ANK2: variants seen among roughly 807,000 people sequenced by gnomAD.
ANK2 encodes the protein ankyrin-2.
ANK2 carries 83 observed loss-of-function variants against 360.5 expected under a neutral mutation model. The ratio of observed to expected loss-of-function variants is 0.23; its 90% CI spans 0.19 to 0.28. The LOEUF (loss-of-function observed/expected upper bound fraction) is 0.28. Among genes scored for constraint, ANK2 ranks in the 10% least tolerant of loss-of-function variants. ANK2 has a pLI of 1.00. For synonymous variants in ANK2, 1,740 were observed against 1,759.5 expected, an observed-to-expected ratio of 0.99 and a Z score of 0.28; for missense variants, 4,201 against 4,795.7, an observed-to-expected ratio of 0.88 and a Z score of 3.66.
intron 45 of ANK2, among the ~76,000 whole-genome samples, chr4:113,374,291 T>C (rs945126547): frequency 6.6e-6 from 1 of 152,234 alleles, no homozygotes; most frequent in East Asian, 1.9e-4. Context: ...TTTTGACAAA[T>C]AGTTTGTGAA....
intron 1 of ANK2, among the ~76,000 whole-genome samples, chr4:113,123,604 T>G (rs1207455630): frequency 1.3e-5 from 2 of 152,162 alleles, no homozygotes. Flanking sequence ...ACCCTTTTGC[T>G]CCAAAGGTGA....
At chr4:112,969,084 C>T (rs2038454647) in intron 2 of ANK2, among the ~76,000 whole-genome samples, 1 of 152,112 alleles carries the variant, frequency 6.6e-6, no homozygotes, top group Admixed American at 6.5e-5. Context: ...ATGTTATTAC[C>T]TATATTCTAC....
chr4:113,109,017 A>G (rs1236302897), intron 1 of ANK2, among the ~76,000 whole-genome samples: 7 of 152,150 alleles, frequency 4.6e-5, no homozygotes, highest in African/African-American at 1.7e-4. Flanking sequence ...GTCCCGTAGT[A>G]CATATTGTTT....
intron 1 of ANK2, among the ~76,000 whole-genome samples, chr4:113,101,576 T>G (rs2092838400): frequency 6.6e-6 from 1 of 152,130 alleles, no homozygotes; most frequent in African/African-American, 2.4e-5. Flanking sequence ...TTCATCTATC[T>G]AAGAAAAAGT....
the ANK2 span, among the ~76,000 whole-genome samples, chr4:112,723,489 G>A: frequency 1.4e-4 from 22 of 152,234 alleles, no homozygotes; most frequent in Admixed American, 3.3e-4. Flanking sequence ...TCAGCCTCCT[G>A]AGTAGCTGGG....
At chr4:113,317,327 C>T (rs963029994) in intron 24 of ANK2, 2 of 278,374 alleles carry the variant, frequency 7.2e-6, no homozygotes, top group South Asian at 8.0e-5. Context: ...TTCTTAGTTG[C>T]AGAGAGATTA....
chr4:113,061,098 A>G (rs973211870), intron 1 of ANK2, among the ~76,000 whole-genome samples: 2 of 152,058 alleles, frequency 1.3e-5, no homozygotes, highest in African/African-American at 4.8e-5. Context: ...TTACTGGCCC[A>G]TCTAGAAACT....
rs201039412 is a variant in ANK2 at position 113,271,031 on chromosome 4, C to T, written c.1486-3421C>T. Among the ~76,000 whole-genome samples the T allele has an allele frequency of 2.0e-5, 3 of 152,162 alleles. No individual in the cohort carries two copies. The East Asian group carries it at 5.8e-4, about 29-fold the overall frequency. On this transcript the variant is annotated intron_variant, in intron 14 of 45. Transcript: ENST00000357077. Reference sequence around the variant, plus strand: ...CCTGTGTTGTAGGGTGGCTTAGCGTCCTGAAATTCAAGATTGTGCTGATTA... The same window carrying T: ...CCTGTGTTGTAGGGTGGCTTAGCGTTCTGAAATTCAAGATTGTGCTGATTA...
chr4:112,999,011 C>T (rs1274501100), intron 2 of ANK2, among the ~76,000 whole-genome samples: 1 of 152,038 alleles, frequency 6.6e-6, no homozygotes, highest in African/African-American at 2.4e-5. Context: ...CAAGAATAAC[C>T]TTGTCTCCAT....
intron 1 of ANK2, among the ~76,000 whole-genome samples, chr4:112,824,697 T>A (rs544317338): frequency 6.6e-6 from 1 of 152,114 alleles, no homozygotes; most frequent in East Asian, 1.9e-4. Context: ...AGAGATGGGG[T>A]TTCACCATGC....
the ANK2 span, among the ~76,000 whole-genome samples, chr4:112,780,209 G>A: frequency 1.3e-5 from 2 of 150,672 alleles, no homozygotes; most frequent in South Asian, 2.1e-4. Flanking sequence ...AAAGAAGTCA[G>A]TGAAAACTCT....
intron 14 of ANK2, among the ~76,000 whole-genome samples, chr4:113,267,596 T>A (rs1586651797): frequency 6.6e-6 from 1 of 152,330 alleles, no homozygotes; most frequent in South Asian, 2.1e-4. Flanking sequence ...TCTGTTCTGT[T>A]CCATTGGTCT....
At chr4:113,145,954 C>T (rs1216000844) in intron 1 of ANK2, 1 of 1,289,842 alleles carries the variant, frequency 7.8e-7, no homozygotes, top group South Asian at 1.2e-5. Flanking sequence ...GATAAAACCC[C>T]AGACTACTAT....
chr4:113,207,997 A>C (rs573194564), intron 4 of ANK2, among the ~76,000 whole-genome samples: 1 of 152,228 alleles, frequency 6.6e-6, no homozygotes, highest in Non-Finnish European at 1.5e-5. Flanking sequence ...GAAATGGGCT[A>C]TCTGGAAGCT....
intron 2 of ANK2, among the ~76,000 whole-genome samples, chr4:112,954,529 G>T (rs1032325373): frequency 2.0e-5 from 3 of 152,124 alleles, no homozygotes; most frequent in African/African-American, 7.2e-5. Context: ...TAGACAGATG[G>T]TGGCTTTTGG....
chr4:112,856,418 A>T (rs937494766), intron 1 of ANK2, among the ~76,000 whole-genome samples: 15 of 152,210 alleles, frequency 9.9e-5, no homozygotes, highest in Admixed American at 2.6e-4. Flanking sequence ...AATGCTTCTT[A>T]AAAATAATTT....
the ANK2 span, among the ~76,000 whole-genome samples, chr4:112,805,491 C>G: frequency 6.6e-6 from 1 of 151,656 alleles, no homozygotes; most frequent in South Asian, 2.1e-4. Flanking sequence ...ATAAGCTAGA[C>G]AAGGGTTCAT....
chr4:112,780,234 G>A, the ANK2 span, among the ~76,000 whole-genome samples: 1 of 151,414 alleles, frequency 6.6e-6, no homozygotes, highest in Admixed American at 6.6e-5. Flanking sequence ...CACTGGGAAA[G>A]CCCATTATCC....
chr4:112,732,417 C>G, the ANK2 span, among the ~76,000 whole-genome samples: 1 of 151,870 alleles, frequency 6.6e-6, no homozygotes, highest in East Asian at 1.9e-4. Context: ...CTATTTACTT[C>G]TTGTTTTTTG....
Sources: allele counts gnomAD v4.1 joint callset (sites outside exome capture counted in the v4.1 genomes callset), GRCh38; gene constraint gnomAD v4.1.1; transcripts MANE v1.5; gene names NCBI Gene and HGNC (gene_info 2026-07-23, HGNC 2026-07-21).